TYW1: variants seen among roughly 807,000 people sequenced by gnomAD.
The protein encoded by TYW1 is tRNA-yW synthesizing protein 1 homolog.
A neutral mutation model predicts 96.2 loss-of-function variants in TYW1; 46 were observed. That is an observed-to-expected ratio of 0.48 (90% confidence interval 0.38 to 0.61). The LOEUF (loss-of-function observed/expected upper bound fraction) is 0.61. TYW1 is among the 20% of genes least tolerant of loss of function. The pLI is 0.00. For missense variants in TYW1, 684 were observed against 909.6 expected, an observed-to-expected ratio of 0.75 and a Z score of 3.19; for synonymous variants, 274 against 323.0, an observed-to-expected ratio of 0.85 and a Z score of 1.63.
chr7:67,071,427 C>T (rs1213735914), intron 10 of TYW1, among the ~76,000 whole-genome samples: 2 of 148,818 alleles, frequency 1.3e-5, no homozygotes, highest in Non-Finnish European at 3.0e-5. Context: ...TGCAGATTGA[C>T]TCTGTCTTGG....
At chr7:67,220,352 T>C (rs965461112) in intron 15 of TYW1, among the ~76,000 whole-genome samples, 26 of 151,836 alleles carry the variant, frequency 1.7e-4, no homozygotes, top group Admixed American at 2.6e-4. Flanking sequence ...TACAGGCGCC[T>C]GCCACCATGC....
intron 3 of TYW1, among the ~76,000 whole-genome samples, chr7:67,006,350 G>T (rs1320643886): frequency 6.6e-6 from 1 of 151,418 alleles, no homozygotes. Context: ...AGCAGATGCC[G>T]TTACACTTCC....
At chr7:67,112,937 A>G (rs1221891811) in intron 12 of TYW1, among the ~76,000 whole-genome samples, 2 of 152,210 alleles carry the variant, frequency 1.3e-5, no homozygotes, top group Non-Finnish European at 2.9e-5. Flanking sequence ...TAACCCTGGC[A>G]GGACATGAGA....
At chr7:67,012,561 A>G (rs1793851578) in intron 4 of TYW1, among the ~76,000 whole-genome samples, 1 of 152,126 alleles carries the variant, frequency 6.6e-6, no homozygotes, top group Admixed American at 6.6e-5. Flanking sequence ...AACTTACCTC[A>G]TGACTTGGAA....
At chr7:67,165,257 G>A (rs1799283958) in intron 13 of TYW1, among the ~76,000 whole-genome samples, 1 of 152,202 alleles carries the variant, frequency 6.6e-6, no homozygotes, top group African/African-American at 2.4e-5. Context: ...TTTTGACACA[G>A]CCTCAACTAG....
intron 13 of TYW1, among the ~76,000 whole-genome samples, chr7:67,149,224 A>G (rs1433739830): frequency 6.6e-6 from 1 of 152,256 alleles, no homozygotes; most frequent in Admixed American, 6.5e-5. Context: ...ATTTACAGGA[A>G]AGGGAAATTA....
chr7:67,151,746 G>A (rs553928383), intron 13 of TYW1, among the ~76,000 whole-genome samples: 149 of 152,230 alleles, frequency 9.8e-4, no homozygotes, highest in Middle Eastern at 3.4e-3. Context: ...CAAATCTGGC[G>A]TGACTTGTTT....
intron 13 of TYW1, among the ~76,000 whole-genome samples, chr7:67,133,374 C>T (rs1382519296): frequency 6.6e-6 from 1 of 152,046 alleles, no homozygotes; most frequent in East Asian, 1.9e-4. Context: ...AACTCCTGGC[C>T]TCAAGTGATC....
At chr7:67,218,019 C>A (rs149733436) in intron 15 of TYW1, among the ~76,000 whole-genome samples, 4 of 151,532 alleles carry the variant, frequency 2.6e-5, no homozygotes, top group African/African-American at 9.7e-5. Context: ...CCACCATGCC[C>A]GTCTAATTTT....
rs1796989421 is a variant in TYW1, at chr7:67,098,546, C to T, written c.1390C>T (p.Pro464Ser). The change falls in exon 12 of 16, where the codon CCG becomes TCG. Residue 464 changes from proline (P) to serine (S), a missense_variant. Physicochemically the swap from Pro to Ser is moderately conservative, Grantham distance 74. Transcript: ENST00000359626. ...CTTCTCACTGTATTCTCCAGGAGTA[C>T]CGGGCGTCAAAGCAGAACGCTTTGA... Reference protein sequence around the residue: ...QNMIKQFKGVPGVKAERFEEG... With the variant: ...QNMIKQFKGVSGVKAERFEEG... The T allele has an allele frequency of 1.3e-6, 2 of 1,574,254 alleles. No individual in the cohort carries two copies. Among genetic ancestry groups the T allele is most frequent in the Non-Finnish European group, 1.7e-6 (2 of 1,155,494 alleles).
intron 4 of TYW1, among the ~76,000 whole-genome samples, chr7:67,011,414 A>C (rs1056961266): frequency 3.3e-5 from 5 of 152,240 alleles, no homozygotes; most frequent in Non-Finnish European, 5.9e-5. Context: ...AGTCATGCCC[A>C]GTTAGGGGAT....
chr7:67,046,969 G>T (rs1238797096), intron 7 of TYW1, among the ~76,000 whole-genome samples: 1 of 152,172 alleles, frequency 6.6e-6, no homozygotes, highest in Non-Finnish European at 1.5e-5. Flanking sequence ...ACCCCAAGAA[G>T]GTGTCTGTGG....
rs547413334 is a variant in TYW1 at position 67,208,394 on chromosome 7, A to T, written c.1977+13057A>T. 2.0e-5 allele frequency among the ~76,000 whole-genome samples: 3 copies of T among 149,576 alleles called. No individual in the cohort carries two copies. The East Asian group carries it at 5.8e-4, about 29-fold the overall frequency. On this transcript the variant is annotated intron_variant, in intron 15 of 15. Transcript: ENST00000359626. ...ATCCAAAATGTAAAGTGATTCTTTT[A>T]AAAAAAACCCACAACCATCGGGCGC...
intron 9 of TYW1, among the ~76,000 whole-genome samples, chr7:67,058,069 G>T (rs1795580110): frequency 6.6e-6 from 1 of 151,996 alleles, no homozygotes. Context: ...CGAGTAGCTG[G>T]GACTACAGGC....
intron 11 of TYW1, among the ~76,000 whole-genome samples, chr7:67,097,414 T>C (rs1473908461): frequency 6.6e-6 from 1 of 152,264 alleles, no homozygotes; most frequent in East Asian, 1.9e-4. Flanking sequence ...TTTGGTTTTT[T>C]TGGAGACGGA....
At chr7:67,195,508 CT>C (rs1262451252) in intron 15 of TYW1, among the ~76,000 whole-genome samples, 171 bp downstream of exon 15, 2 of 152,184 alleles carry the variant, frequency 1.3e-5, no homozygotes, top group East Asian at 1.9e-4. Flanking sequence ...CTCATAAACT[CT>C]TTTCCATGTG....
chr7:67,002,849 C>T (rs865998707), intron 3 of TYW1, among the ~76,000 whole-genome samples: 52 of 116,906 alleles, frequency 4.4e-4, no homozygotes, highest in Admixed American at 6.8e-4. Flanking sequence ...TTTTCTTTTT[C>T]TTTTTTCTTT....
chr7:67,188,078 T>C (rs1800084629), intron 14 of TYW1, among the ~76,000 whole-genome samples: 1 of 152,240 alleles, frequency 6.6e-6, no homozygotes, highest in South Asian at 2.1e-4. Context: ...CCCAGCACTT[T>C]GGGAGGCCGA....
intron 13 of TYW1, among the ~76,000 whole-genome samples, chr7:67,147,149 A>G (rs769933490): frequency 1.3e-5 from 2 of 152,220 alleles, no homozygotes; most frequent in Non-Finnish European, 1.5e-5. Flanking sequence ...AGATTCAACC[A>G]ACCACAGATT....
Sources: allele counts gnomAD v4.1 joint callset (sites outside exome capture counted in the v4.1 genomes callset), GRCh38; gene constraint gnomAD v4.1.1; transcripts MANE v1.5; gene names NCBI Gene and HGNC (gene_info 2026-07-23, HGNC 2026-07-21).